The following UPRT variants were observed in gnomAD, a reference collection of about 807,000 sequenced individuals.
The protein encoded by UPRT is RP11-311P8.3.
Under a neutral mutation model 22.6 loss-of-function variants are expected in UPRT, and 5 were observed. That is an observed-to-expected ratio of 0.22 (90% CI 0.12 to 0.47). The LOEUF is 0.47. Ranked by LOEUF, UPRT falls within the 20% of genes least tolerant of loss-of-function variation. The pLI, the probability that UPRT is intolerant of heterozygous loss-of-function variation, is 0.99. For synonymous variants in UPRT, 77 were observed against 87.7 expected (o/e 0.88, Z 0.68); for missense variants, 181 against 239.9 (o/e 0.75, Z 1.62).
intron 4 of UPRT, among the ~76,000 whole-genome samples, chrX:75,201,263 G>T (rs766199676): frequency 8.0e-5 from 9 of 112,696 alleles, no homozygotes; most frequent in Non-Finnish European, 1.3e-4. Flanking sequence ...TCACTAGAAA[G>T]TAATTTGTTC....
intron 4 of UPRT, among the ~76,000 whole-genome samples, chrX:75,253,729 A>G (rs2082539856): frequency 8.9e-6 from 1 of 112,037 alleles, no homozygotes; most frequent in South Asian, 3.7e-4. Context: ...CTGAGAGACA[A>G]TGCAAATACT....
chrX:75,299,392 T>A (rs1421379879), intron 4 of UPRT, among the ~76,000 whole-genome samples: 1 of 112,059 alleles, frequency 8.9e-6, no homozygotes, highest in African/African-American at 3.2e-5. Context: ...TTCTTTAAAA[T>A]AATAGAGATA....
intron 4 of UPRT, among the ~76,000 whole-genome samples, chrX:75,268,352 C>T (rs867222811): frequency 1.8e-5 from 2 of 111,386 alleles, no homozygotes; most frequent in Non-Finnish European, 3.8e-5. Context: ...TGTACCATTC[C>T]GTTTGAAACT....
chrX:75,299,981 G>A, intron 5 of UPRT, 85 bp downstream of exon 5: 1 of 1,057,188 alleles, frequency 9.5e-7, no homozygotes, highest in Non-Finnish European at 1.3e-6. Context: ...TTATATAAAA[G>A]GCAAAAAGAG....
In UPRT at chrX:75,264,141, T is replaced by G. The variant is rs764515988; in HGVS notation, c.-446-26883T>G. 4.5e-5 allele frequency among the ~76,000 whole-genome samples: 5 copies of G among 111,724 alleles called. No individual in the cohort carries two copies. In the South Asian group the frequency reaches 1.9e-3, roughly 43 times the overall value. On this transcript the variant is annotated intron_variant, in intron 4 of 13. Transcript: ENST00000652605. ...CTGAGGAGTGCTTTACTTCCAACTA[T>G]GTGGTCAGTTTTGGAATAGGTGTGG... is the stretch of plus-strand genomic sequence containing the variant.
intron 4 of UPRT, among the ~76,000 whole-genome samples, chrX:75,235,979 A>G (rs2082461630): frequency 9.0e-6 from 1 of 111,268 alleles, no homozygotes; most frequent in Non-Finnish European, 1.9e-5. Flanking sequence ...AATAAAGGGT[A>G]TTCAATTAGG....
chrX:75,257,133 A>C (rs1237816232), intron 4 of UPRT, among the ~76,000 whole-genome samples: 1 of 112,101 alleles, frequency 8.9e-6, no homozygotes, highest in African/African-American at 3.2e-5. Flanking sequence ...AATACTAACT[A>C]ACCAAATCCA....
intron 4 of UPRT, among the ~76,000 whole-genome samples, chrX:75,231,728 C>A: frequency 8.9e-6 from 1 of 111,921 alleles, no homozygotes; most frequent in East Asian, 2.8e-4. Context: ...TGAAGAAAAA[C>A]CTGTAAGATT....
At chrX:75,235,927 T>A (rs1417977905) in intron 4 of UPRT, among the ~76,000 whole-genome samples, 11 of 111,078 alleles carry the variant, frequency 9.9e-5, no homozygotes, top group East Asian at 2.8e-4. Context: ...TATTCAACAT[T>A]GTGTTGGAAG....
intron 4 of UPRT, among the ~76,000 whole-genome samples, chrX:75,250,230 T>C (rs1231335458): frequency 2.8e-5 from 3 of 108,633 alleles, no homozygotes; most frequent in Admixed American, 2.0e-4. Context: ...CTGAAGGAAA[T>C]AGAGACAAAA....
At chrX:75,158,772 C>T (rs935501160) in intron 1 of UPRT, among the ~76,000 whole-genome samples, 1 of 111,644 alleles carries the variant, frequency 9.0e-6, no homozygotes, top group Non-Finnish European at 1.9e-5. Flanking sequence ...TTTTAAATGA[C>T]TTTTTCTTAT....
intron 4 of UPRT, among the ~76,000 whole-genome samples, chrX:75,178,217 C>T (rs763576402): frequency 1.9e-3 from 209 of 112,274 alleles, no homozygotes; most frequent in Non-Finnish European, 3.0e-3. Flanking sequence ...GCCTGACACC[C>T]GTGTCTTTAG....
At chrX:75,225,806 A>C (rs2082422491) in intron 4 of UPRT, among the ~76,000 whole-genome samples, 1 of 111,394 alleles carries the variant, frequency 9.0e-6, no homozygotes, top group Admixed American at 9.5e-5. Context: ...CACTCTTTTT[A>C]TTCCATCCAG....
intron 1 of UPRT, chrX:75,156,677 G>T (rs899205814): frequency 3.5e-5 from 12 of 339,181 alleles, no homozygotes; most frequent in Non-Finnish European, 6.2e-5. Context: ...CCAACTCAAT[G>T]TCACGCTCCC....
chrX:75,261,389 C>T (rs958699772), intron 4 of UPRT, among the ~76,000 whole-genome samples: 1 of 112,082 alleles, frequency 8.9e-6, no homozygotes, highest in Non-Finnish European at 1.9e-5. Context: ...ACCATAAACA[C>T]CTCTACCCAA....
intron 4 of UPRT, among the ~76,000 whole-genome samples, chrX:75,249,057 A>C (rs2082518029): frequency 8.9e-6 from 1 of 111,793 alleles, no homozygotes; most frequent in Admixed American, 9.5e-5. Context: ...CTCCTAAAGG[A>C]AGTGTTAAAC....
rs185107623 is a variant in UPRT, at chrX:75,249,616, C to T, written c.-446-41408C>T. Among the ~76,000 whole-genome samples, 925 of 111,162 alleles carry T rather than the reference C, an allele frequency of 8.3e-3. 11 individuals carry two copies. The highest frequency in any genetic ancestry group is 0.028 in the African/African-American group (851 of 30,535). ...ACTCCCACACAATAATAATGGGAGACTCTAACACCCCACTGTCAACATTAG... is the reference window on the plus strand; with the variant it reads ...ACTCCCACACAATAATAATGGGAGATTCTAACACCCCACTGTCAACATTAG... On this transcript the variant is annotated intron_variant, in intron 4 of 13. Coordinates refer to the UPRT transcript ENST00000652605.
chrX:75,247,224 G>C (rs957256545), intron 4 of UPRT, among the ~76,000 whole-genome samples: 1 of 111,508 alleles, frequency 9.0e-6, no homozygotes, highest in Non-Finnish European at 1.9e-5. Context: ...GAGTGCCAGA[G>C]AGTGGGTGCA....
chrX:75,283,338 T>G (rs1033721330), intron 1 of UPRT, among the ~76,000 whole-genome samples: 3 of 109,747 alleles, frequency 2.7e-5, no homozygotes, highest in Non-Finnish European at 3.8e-5. Flanking sequence ...CTATGTACTG[T>G]TTTTTTTTGT....
Sources: allele counts gnomAD v4.1 joint callset (sites outside exome capture counted in the v4.1 genomes callset), GRCh38; gene constraint gnomAD v4.1.1; transcripts MANE v1.5; gene names NCBI Gene and HGNC (gene_info 2026-07-23, HGNC 2026-07-21).